The following POU6F2 variants were observed in gnomAD, a reference collection of about 807,000 sequenced individuals.
POU6F2 encodes POU domain, class 6, transcription factor 2.
Under a neutral mutation model 71.3 loss-of-function variants are expected in POU6F2, and 31 were observed. The observed-to-expected ratio is 0.43, with a 90% CI of 0.33 to 0.59. The LOEUF is 0.59. POU6F2 is among the 20% of genes least tolerant of loss of function. The probability of loss-of-function intolerance (pLI) is 0.04; values close to 1 mark genes in which losing one functional copy is unlikely to be tolerated. For missense variants in POU6F2, 783 were observed against 856.8 expected (o/e 0.91, Z 1.07); for synonymous variants, 347 against 355.7 (o/e 0.98, Z 0.27).
At chr7:39,295,260 G>A (rs1202886724) in intron 4 of POU6F2, among the ~76,000 whole-genome samples, 1 of 151,882 alleles carries the variant, frequency 6.6e-6, no homozygotes, top group Non-Finnish European at 1.5e-5. Context: ...AGCAACACAC[G>A]AAAATCAGTC....
At chr7:39,435,029 A>C (rs557600975) in intron 7 of POU6F2, among the ~76,000 whole-genome samples, 1 of 152,324 alleles carries the variant, frequency 6.6e-6, no homozygotes, top group East Asian at 1.9e-4. Context: ...TATCCAGTCT[A>C]TCATTGATGG....
chr7:39,386,186 G>T (rs116927651), intron 5 of POU6F2, among the ~76,000 whole-genome samples: 2 of 150,670 alleles, frequency 1.3e-5, no homozygotes, highest in East Asian at 1.9e-4. Flanking sequence ...AAGCTTCCCC[G>T]TGGGGCTGCC....
chr7:39,381,343 T>C (rs1467812415), intron 5 of POU6F2, among the ~76,000 whole-genome samples: 1 of 152,188 alleles, frequency 6.6e-6, no homozygotes, highest in Non-Finnish European at 1.5e-5. Flanking sequence ...GTTCAAGCTA[T>C]TCTTGTGCTT....
intron 4 of POU6F2, among the ~76,000 whole-genome samples, chr7:39,303,636 A>ACTTC (rs1784996964): frequency 6.6e-6 from 1 of 152,194 alleles, no homozygotes; most frequent in South Asian, 2.1e-4. Context: ...GGCTAGGCTC[A>ACTTC]CTTCCTTCCT....
At chr7:39,139,048 C>A (rs1045112846) in intron 2 of POU6F2, among the ~76,000 whole-genome samples, 3 of 152,110 alleles carry the variant, frequency 2.0e-5, no homozygotes, top group Admixed American at 6.6e-5. Context: ...TGGTTGAATG[C>A]TCTGTTGTCA....
intron 1 of POU6F2, among the ~76,000 whole-genome samples, chr7:39,058,992 C>G (rs1159890834): frequency 2.0e-5 from 3 of 152,018 alleles, no homozygotes; most frequent in African/African-American, 2.4e-5. Flanking sequence ...GAAATAGTCT[C>G]AAAGACTTGG....
rs761906616 is a variant in POU6F2, at chr7:39,460,598, G to A, written c.1541G>A (p.Arg514Gln). 59 of 1,613,162 alleles carry A rather than the reference G, an allele frequency of 3.7e-5. No individual in the cohort carries two copies. The highest frequency in any genetic ancestry group is 4.7e-5 in the Non-Finnish European group (56 of 1,179,646). ...EVDGVNLEEI[R>Q]EFAKAFKIRR... ...GATGGGGTTAATCTGGAGGAGATCC[G>A]AGAATTTGCCAAAGCTTTTAAAATC... The change falls in exon 9 of 10, where the codon CGA becomes CAA. Residue 514 changes from arginine to glutamine, a missense_variant. Arg to Gln is a conservative substitution (Grantham distance 43). Transcript: ENST00000518318. The surrounding 1 kb of genome is among the most constrained non-coding windows in gnomAD (Gnocchi z 4.4).
At chr7:39,419,028 TGTATATATAC>T (rs1482657194) in intron 6 of POU6F2, among the ~76,000 whole-genome samples, 16 of 147,000 alleles carry the variant, frequency 1.1e-4, no homozygotes, top group Middle Eastern at 3.6e-3. Context: ...TATATATGTG[TGTATATATAC>T]ATATATATGT....
At chr7:39,343,632 C>T (rs1471019109) in intron 5 of POU6F2, among the ~76,000 whole-genome samples, 3 of 152,042 alleles carry the variant, frequency 2.0e-5, no homozygotes, top group Non-Finnish European at 4.4e-5. Context: ...ATATGCTGGG[C>T]ATGGTTGGAG....
chr7:39,213,977 T>C (rs1238543460), intron 4 of POU6F2, among the ~76,000 whole-genome samples: 1 of 152,234 alleles, frequency 6.6e-6, no homozygotes, highest in African/African-American at 2.4e-5. Flanking sequence ...TCTCAGTCCC[T>C]GTATAGCTTA....
intron 2 of POU6F2, among the ~76,000 whole-genome samples, chr7:39,106,452 T>C (rs570878380): frequency 1.3e-5 from 2 of 152,220 alleles, no homozygotes; most frequent in East Asian, 3.9e-4. Context: ...ATAAAATGGG[T>C]TTGTAGTTTG....
intron 2 of POU6F2, among the ~76,000 whole-genome samples, chr7:39,195,710 G>C (rs1793774990): frequency 6.6e-6 from 1 of 151,990 alleles, no homozygotes; most frequent in South Asian, 2.1e-4. Flanking sequence ...AAGTCCTGTA[G>C]GTCTGTAAGG....
intron 2 of POU6F2, among the ~76,000 whole-genome samples, chr7:39,107,315 A>G (rs188912181): frequency 6.6e-6 from 1 of 152,164 alleles, no homozygotes; most frequent in East Asian, 1.9e-4. Context: ...AAAGTATTGG[A>G]ATTACAAGCA....
chr7:39,446,615 T>C (rs1026019797), intron 7 of POU6F2, among the ~76,000 whole-genome samples: 1 of 152,170 alleles, frequency 6.6e-6, no homozygotes, highest in Non-Finnish European at 1.5e-5. Flanking sequence ...CTATTTTTGG[T>C]GAATATATTA....
chr7:39,441,266 T>C (rs1788398121), intron 7 of POU6F2, among the ~76,000 whole-genome samples: 1 of 151,608 alleles, frequency 6.6e-6, no homozygotes, highest in African/African-American at 2.4e-5. Flanking sequence ...CTGATAGCAC[T>C]ACAGAGGTTG....
intron 4 of POU6F2, among the ~76,000 whole-genome samples, chr7:39,232,864 C>T (rs568284707): frequency 4.6e-5 from 7 of 152,280 alleles, no homozygotes; most frequent in African/African-American, 1.7e-4. Flanking sequence ...AAACTAAGGA[C>T]TTGCCCATGA....
chr7:39,105,104 C>T (rs1181293289), intron 2 of POU6F2, among the ~76,000 whole-genome samples: 2 of 152,140 alleles, frequency 1.3e-5, no homozygotes, highest in Non-Finnish European at 2.9e-5. Context: ...GAGCAGAGGG[C>T]AGATGGAATC....
intron 6 of POU6F2, among the ~76,000 whole-genome samples, chr7:39,430,461 G>A (rs1215517783): frequency 6.6e-6 from 1 of 152,190 alleles, no homozygotes; most frequent in Non-Finnish European, 1.5e-5. Flanking sequence ...GAAAGGACAG[G>A]GTGGGGAGGA....
intron 1 of POU6F2, among the ~76,000 whole-genome samples, chr7:38,990,586 T>A (rs1174673047): frequency 6.6e-6 from 1 of 152,186 alleles, no homozygotes; most frequent in Admixed American, 6.5e-5. Context: ...ATCAACATGA[T>A]CTTCAACAAA....
Sources: gnomAD v4.1 joint callset for allele counts (sites outside exome capture counted in the v4.1 genomes callset) on GRCh38, gnomAD v4.1.1 for gene constraint, Gnocchi (gnomAD v3.1) non-coding constraint, MANE v1.5 for transcripts, NCBI Gene and HGNC (gene_info 2026-07-23, HGNC 2026-07-21) for gene names.